ZNF70: variants seen among roughly 807,000 people sequenced by gnomAD.
ZNF70 encodes the protein zinc finger protein N27C7-1.
A neutral mutation model predicts 37.7 loss-of-function variants in ZNF70; 18 were observed. The observed-to-expected ratio is 0.48, with a 90% CI of 0.33 to 0.71. The LOEUF (loss-of-function observed/expected upper bound fraction) is 0.71. Ranked by LOEUF, ZNF70 falls within the 30% of genes least tolerant of loss-of-function variation. The probability of loss-of-function intolerance (pLI) is 0.02; values close to 1 mark genes in which losing one functional copy is unlikely to be tolerated. For missense variants in ZNF70, 506 were observed against 568.6 expected (o/e 0.89, Z 1.12); for synonymous variants, 219 against 220.1 (o/e 0.99, Z 0.05).
Position 23,741,084 on chromosome 22 carries a change from G to A in ZNF70, c.*2716C>T, listed in dbSNP as rs188447840. ...CAGGTTGGCTGAAACGAGGGTTTACGTGCAGGAAAGCTCCTGAAAGTTGGT... is the reference window on the plus strand; with the variant it reads ...CAGGTTGGCTGAAACGAGGGTTTACATGCAGGAAAGCTCCTGAAAGTTGGT... On this transcript the variant is annotated 3_prime_UTR_variant, in exon 2 of 2. Coordinates refer to ENST00000341976, the MANE Select transcript of ZNF70 (RefSeq NM_021916.4). 5.0e-4 allele frequency: 76 copies of A among 152,438 alleles called. No homozygotes were observed. Among genetic ancestry groups the A allele is most frequent in the Non-Finnish European group, 4.3e-4 (29 of 68,060 alleles). 9.4% of individuals were successfully genotyped at this position (152,438 alleles called of 1,614,324 possible).
chr22:23,742,829 C>G lies in ZNF70; in HGVS notation c.*971G>C, dbSNP rs1229929497. The G allele has an allele frequency of 6.6e-6, 1 of 152,300 alleles. No homozygotes were observed. The highest frequency in any genetic ancestry group is 2.1e-4 in the South Asian group (1 of 4,830). The allele number at this position is 152,300 out of a possible 1,614,324, so 9.4% of individuals were successfully genotyped here. On this transcript the variant is annotated 3_prime_UTR_variant, in exon 2 of 2. Transcript: ENST00000341976. The stretch of plus-strand genomic sequence containing the variant: ...GGGGAAGTTACAGGACTTGTTCAAG[C>G]TCACCCAGGTAGGAGGGGGTGGAAC...
rs1258591963 is a variant in ZNF70, at chr22:23,741,571, C to T, written c.*2229G>A. The stretch of plus-strand genomic sequence containing the variant: ...GAAATCTCTGGCCTATCAAGACCCA[C>T]TTAGTAACAGTTATGGCTTTCCCAT... On this transcript the variant is annotated 3_prime_UTR_variant, in exon 2 of 2. Transcript: ENST00000341976. 6.6e-6 allele frequency: 1 copy of T among 152,254 alleles called. No individual in the cohort carries two copies. Among genetic ancestry groups the T allele is most frequent in the East Asian group, 1.9e-4 (1 of 5,204 alleles). 9.4% of individuals were successfully genotyped at this position (152,254 alleles called of 1,614,324 possible).
chr22:23,747,255 G>A (rs1925161312), intron 1 of ZNF70, among the ~76,000 whole-genome samples: 1 of 152,194 alleles, frequency 6.6e-6, no homozygotes, highest in Admixed American at 6.5e-5. Flanking sequence ...CAGGAGGTGA[G>A]CGGAAGGTGA....
chr22:23,744,775 T>C lies in ZNF70; in HGVS notation c.366A>G (p.Arg122=), dbSNP rs757325538. The change falls in exon 2 of 2, where the codon AGA becomes AGG. Residue 122 remains arginine, a synonymous_variant. Coordinates refer to ENST00000341976, the MANE Select transcript of ZNF70 (RefSeq NM_021916.4). ...PSPCDCAETD[R]GDSGPNAPHR... is the part of the protein sequence containing the mutation. ...GAGGTGCGTTAGGTCCTGAGTCCCC[T>C]CTGTCTGTTTCTGCACAATCGCATG... The C allele has an allele frequency of 3.7e-6, 6 of 1,614,166 alleles. No homozygotes were observed. Among genetic ancestry groups the C allele is most frequent in the Non-Finnish European group, 4.2e-6 (5 of 1,180,004 alleles).
In ZNF70 at chr22:23,745,042, G is replaced by T. The variant is rs752011122; in HGVS notation, c.99C>A (p.Asp33Glu). 8.7e-6 allele frequency: 14 copies of T among 1,614,058 alleles called. No individual in the cohort carries two copies. In the East Asian group the frequency reaches 2.7e-4, roughly 31 times the overall value. The change falls in exon 2 of 2, where the codon GAC becomes GAA. Residue 33 changes from aspartate to glutamate, a missense_variant. Physicochemically the swap from Asp to Glu is conservative, Grantham distance 45. Coordinates refer to ENST00000341976, the MANE Select transcript of ZNF70 (RefSeq NM_021916.4). The part of the protein sequence containing the change: ...QGLFPGEDLG[D>E]PFLQERGLEQ... The stretch of plus-strand genomic sequence containing the variant: ...CCAAACCTCTTTCCTGAAGAAAAGG[G>T]TCCCCCAGGTCCTCCCCTGGGAAAA...
chr22:23,743,964 T>C lies in ZNF70; in HGVS notation c.1177A>G (p.Thr393Ala), dbSNP rs1001945846. The change falls in exon 2 of 2, where the codon ACC (threonine) becomes GCC (alanine). Residue 393 changes from threonine to alanine, a missense_variant. Transcript: ENST00000341976. ...CGGAAGGCTTTGCCACACTCGCAGG[T>C]GTAGGGCTTCTTGCCGGTGTGGATT... The part of the protein sequence containing the change: ...QRIHTGKKPY[T>A]CECGKAFRHR... The C allele has an allele frequency of 1.9e-6, 3 of 1,613,950 alleles. No individual in the cohort carries two copies. Among genetic ancestry groups the C allele is most frequent in the Non-Finnish European group, 2.5e-6 (3 of 1,179,952 alleles).
rs963493978 is a variant in ZNF70 at position 23,742,979 on chromosome 22, C to T, written c.*821G>A. ...TTGCCAGAACAGACCAGACCCAGGC[C>T]CTGCTGATGTCCAAGGCACACTGTG... On this transcript the variant is annotated 3_prime_UTR_variant, in exon 2 of 2. Coordinates refer to ENST00000341976, the MANE Select transcript of ZNF70 (RefSeq NM_021916.4). 1 of 152,390 alleles carries T rather than the reference C, an allele frequency of 6.6e-6. No individual in the cohort carries two copies. Among genetic ancestry groups the T allele is most frequent in the Non-Finnish European group, 1.5e-5 (1 of 68,176 alleles). 9.4% of individuals were successfully genotyped at this position (152,390 alleles called of 1,614,324 possible).
chr22:23,744,934 CAAACTGA>C lies in ZNF70; in HGVS notation c.200_206del (p.Phe67CysfsTer38). 1 of 1,614,184 alleles carries C rather than the reference CAAACTGA, an allele frequency of 6.2e-7. No homozygotes were observed. Among genetic ancestry groups the C allele is most frequent in the Non-Finnish European group, 8.5e-7 (1 of 1,180,022 alleles). ...TTTGATGCTGAACAGGGCTTGAGCA[CAAACTGA>C]AATTCCCCTCGTAATCATCATTTTC... On this transcript the variant is annotated frameshift_variant, in exon 2 of 2. Transcript: ENST00000341976. LOFTEE classifies it high-confidence loss of function.
In ZNF70 at chr22:23,743,626, C is replaced by T. The variant is rs866093638; in HGVS notation, c.*174G>A. The T allele has an allele frequency of 2.9e-5, 26 of 882,914 alleles. No homozygotes were observed. The Middle Eastern group carries it at 1.5e-3, about 49-fold the overall frequency. 54.7% of individuals were successfully genotyped at this position (882,914 alleles called of 1,614,324 possible). On this transcript the variant is annotated 3_prime_UTR_variant, in exon 2 of 2. Transcript: ENST00000341976. ...ATGCAGAAAACCTGCTGAGAGCTGG[C>T]GTGCTTGGCCCAGGGCCACACAGGG...
At chr22:23,749,345 T>A (rs1317688710) in intron 1 of ZNF70, among the ~76,000 whole-genome samples, 1 of 62,730 alleles carries the variant, frequency 1.6e-5, no homozygotes, top group Non-Finnish European at 2.6e-5. Flanking sequence ...CGAGACTCCA[T>A]CTCAAAAAAA....
At position 23,742,616 on chromosome 22, in the gene ZNF70, C is replaced by T. The variant is rs919506348; in HGVS notation, c.*1184G>A. On this transcript the variant is annotated 3_prime_UTR_variant, in exon 2 of 2. Transcript: ENST00000341976. ...CAGAAACCAGACGGGAACATCTCTC[C>T]AGTCCGTGGAAATGCACAGGGGTGG... 6.6e-6 allele frequency: 1 copy of T among 152,364 alleles called. No individual in the cohort carries two copies. Among genetic ancestry groups the T allele is most frequent in the African/African-American group, 2.4e-5 (1 of 41,456 alleles). The allele number at this position is 152,364 out of a possible 1,614,324, so 9.4% of individuals were successfully genotyped here. A position where few individuals can be genotyped will look rare whatever the true frequency, so the allele number is the denominator to read the frequency against.
rs776290438 is a variant in ZNF70, at chr22:23,744,004, C to G, written c.1137G>C (p.Leu379=). 6.2e-7 allele frequency: 1 copy of G among 1,614,064 alleles called. No individual in the cohort carries two copies. Among genetic ancestry groups the G allele is most frequent in the East Asian group, 2.2e-5 (1 of 44,886 alleles). Residue 379 remains leucine (L), a synonymous_variant, in exon 2 of 2, where the codon CTG becomes CTC. Coordinates refer to ENST00000341976, the MANE Select transcript of ZNF70 (RefSeq NM_021916.4). ...CGGTGTGGATTCTCTGGTGCTGGAT[C>G]AGCGCAGAGCTGTGGCAAAAGGCCT... ...CGKAFCHSSA[L]IQHQRIHTGK...
intron 1 of ZNF70, among the ~76,000 whole-genome samples, chr22:23,750,477 G>A (rs551729738): frequency 4.0e-5 from 6 of 151,176 alleles, no homozygotes; most frequent in African/African-American, 9.7e-5. Flanking sequence ...CAATTTTCAT[G>A]GCTTCCAAGT....
intron 1 of ZNF70, among the ~76,000 whole-genome samples, chr22:23,749,380 A>AAAG (rs1925245356): frequency 8.0e-6 from 1 of 125,524 alleles, no homozygotes; most frequent in Non-Finnish European, 1.7e-5. Context: ...AAAAAAAAAA[A>AAAG]AGCCGGCCGT....
intron 1 of ZNF70, among the ~76,000 whole-genome samples, chr22:23,750,062 C>G (rs1925273432): frequency 3.3e-5 from 5 of 152,158 alleles, no homozygotes; most frequent in Admixed American, 3.3e-4. Flanking sequence ...CAAGAAAAAT[C>G]ATACAACTAT....
At chr22:23,748,045 T>C (rs897615467) in intron 1 of ZNF70, among the ~76,000 whole-genome samples, 2 of 152,012 alleles carry the variant, frequency 1.3e-5, no homozygotes, top group African/African-American at 4.8e-5. Context: ...ACAATAATGA[T>C]AGCAACAGCT....
intron 1 of ZNF70, among the ~76,000 whole-genome samples, chr22:23,747,233 C>T (rs1925160381): frequency 6.6e-6 from 1 of 152,198 alleles, no homozygotes; most frequent in Admixed American, 6.5e-5. Context: ...TGTTAGGAAC[C>T]AGGCCGCATA....
In ZNF70 at chr22:23,744,585, G is replaced by A; in HGVS notation, c.556C>T (p.His186Tyr). ...TTCTCCCCGGTGTGGATGATCTGGT[G>A]CCTGAGCAGGTGGGAGCTCTGGCTG... ...AFSQSSHLLR[H>Y]QIIHTGEKPY... Residue 186 changes from histidine (H) to tyrosine (Y), a missense_variant, in exon 2 of 2, where the codon CAC (histidine) becomes TAC (tyrosine). Coordinates refer to ENST00000341976, the MANE Select transcript of ZNF70 (RefSeq NM_021916.4). 6.2e-7 allele frequency: 1 copy of A among 1,613,922 alleles called. No homozygotes were observed. The highest frequency in any genetic ancestry group is 8.5e-7 in the Non-Finnish European group (1 of 1,179,874).
At chr22:23,746,696 G>A (rs1318069035) in intron 1 of ZNF70, among the ~76,000 whole-genome samples, 1 of 152,056 alleles carries the variant, frequency 6.6e-6, no homozygotes, top group African/African-American at 2.4e-5. Flanking sequence ...AGGCTCAAGT[G>A]ATCCTCCCAC....
Sources: allele counts gnomAD v4.1 joint callset (sites outside exome capture counted in the v4.1 genomes callset), GRCh38; gene constraint gnomAD v4.1.1; transcripts MANE v1.5; gene names NCBI Gene and HGNC (gene_info 2026-07-23, HGNC 2026-07-21).